Variants in WDR31 observed in about 807,000 individuals in gnomAD.
WDR31 encodes the protein WD repeat domain 31, also known as WD repeat-containing protein 31.
A neutral mutation model predicts 47.3 loss-of-function variants in WDR31; 30 were observed. The observed-to-expected ratio is 0.63, with a 90% confidence interval of 0.47 to 0.86. WDR31 has a LOEUF of 0.86. Ranked by LOEUF, WDR31 falls within the 40% of genes least tolerant of loss-of-function variation. The pLI is 0.00. For synonymous variants in WDR31, 137 were observed against 159.4 expected (o/e 0.86, Z 1.06); for missense variants, 406 against 442.9 (o/e 0.92, Z 0.75).
intron 5 of WDR31, among the ~76,000 whole-genome samples, chr9:113,325,337 T>C (rs1391143767): frequency 1.3e-5 from 2 of 152,202 alleles, no homozygotes; most frequent in Non-Finnish European, 2.9e-5. Context: ...AGTGAATTTA[T>C]CCCAATTACA....
chr9:113,317,840 T>A (rs900218474), intron 10 of WDR31, among the ~76,000 whole-genome samples: 3 of 152,240 alleles, frequency 2.0e-5, no homozygotes, highest in Non-Finnish European at 4.4e-5. Flanking sequence ...CACCACCGAT[T>A]CATAGCACTT....
chr9:113,328,809 TTAATATC>T, intron 5 of WDR31, 65 bp downstream of exon 5: 1 of 1,308,952 alleles, frequency 7.6e-7, no homozygotes, highest in South Asian at 1.2e-5. Context: ...TCAATCACTC[TTAATATC>T]TAGAACTATT....
At chr9:113,326,376 CT>C (rs948708797) in intron 5 of WDR31, among the ~76,000 whole-genome samples, 18 of 151,450 alleles carry the variant, frequency 1.2e-4, no homozygotes, top group African/African-American at 4.4e-4. Flanking sequence ...TCCTTTCTTT[CT>C]TTCTCTTTCT....
Position 113,318,608 on chromosome 9 carries a change from T to G in WDR31, c.810A>C (p.Arg270Ser), listed in dbSNP as rs775908885. 2 of 1,614,026 alleles carry G rather than the reference T, an allele frequency of 1.2e-6. No individual in the cohort carries two copies. Among genetic ancestry groups the G allele is most frequent in the African/African-American group, 2.7e-5 (2 of 74,924 alleles). Residue 270 changes from arginine (R) to serine (S), a missense_variant, in exon 10 of 11, where the codon AGA becomes AGC. By Grantham distance (110) the Arg-to-Ser change is moderately radical. Coordinates refer to ENST00000374193, the MANE Select transcript of WDR31 (RefSeq NM_001012361.4). ...GGAAATGCCCCTTATACTCACATATTCTGTTTCGAGTCTGTCTTAGGTCCC... is the reference window on the plus strand; with the variant it reads ...GGAAATGCCCCTTATACTCACATATGCTGTTTCGAGTCTGTCTTAGGTCCC... Reference protein sequence around the residue: ...TLWDLRQTRNRICEYKGHFQT... With the variant: ...TLWDLRQTRNSICEYKGHFQT...
chr9:113,329,709 C>T (rs1025595784), intron 4 of WDR31, among the ~76,000 whole-genome samples: 10 of 151,896 alleles, frequency 6.6e-5, no homozygotes. Context: ...CACAGTGGCG[C>T]ACGCCTGTAA....
At chr9:113,317,317 A>T (rs1456595364) in intron 10 of WDR31, among the ~76,000 whole-genome samples, 1 of 152,142 alleles carries the variant, frequency 6.6e-6, no homozygotes, top group Non-Finnish European at 1.5e-5. Context: ...AGAGCCCGAA[A>T]GGCAGTCTTT....
Position 113,316,704 on chromosome 9 carries a change from A to C in WDR31, c.*45T>G, listed in dbSNP as rs769573208. On this transcript the variant is annotated 3_prime_UTR_variant, in exon 11 of 11. Coordinates refer to ENST00000374193, the MANE Select transcript of WDR31 (RefSeq NM_001012361.4). Reference sequence around the variant, plus strand: ...CTGGGAAAGACACAAAGCCATGCTGAGGAGGAGCCATGGTTTGATATTGTC... The same window carrying C: ...CTGGGAAAGACACAAAGCCATGCTGCGGAGGAGCCATGGTTTGATATTGTC... 2 of 1,585,612 alleles carry C rather than the reference A, an allele frequency of 1.3e-6. No individual in the cohort carries two copies. The highest frequency in any genetic ancestry group is 1.7e-6 in the Non-Finnish European group (2 of 1,164,536).
chr9:113,322,892 A>G lies in WDR31; in HGVS notation c.489T>C (p.Thr163=). The change falls in exon 7 of 11, where the codon ACT becomes ACC. Residue 163 remains threonine (T), a synonymous_variant. Coordinates refer to ENST00000374193, the MANE Select transcript of WDR31 (RefSeq NM_001012361.4). ...AVSPDSSQLC[T]GSRDNTLLLW... Reference sequence around the variant, plus strand: ...GAAGCAGGGTGTTGTCCCGAGAGCCAGTGCACAGCTGTGATGAGTCTTTGG... The same window carrying G: ...GAAGCAGGGTGTTGTCCCGAGAGCCGGTGCACAGCTGTGATGAGTCTTTGG... 4 of 1,614,178 alleles carry G rather than the reference A, an allele frequency of 2.5e-6. No individual in the cohort carries two copies. Among genetic ancestry groups the G allele is most frequent in the Non-Finnish European group, 3.4e-6 (4 of 1,180,024 alleles).
rs1176646400 is a variant in WDR31 at position 113,332,030 on chromosome 9, G to A, written c.-8C>T. ...GCACCTGAGTAGCAGCATCCCTTGT[G>A]GCTGCTGGAAGTTGTGTTCCCTGTT... On this transcript the variant is annotated 5_prime_UTR_variant, in exon 3 of 11. Coordinates refer to ENST00000374193, the MANE Select transcript of WDR31 (RefSeq NM_001012361.4). 6 of 1,612,138 alleles carry A rather than the reference G, an allele frequency of 3.7e-6. No individual in the cohort carries two copies. The highest frequency in any genetic ancestry group is 5.1e-6 in the Non-Finnish European group (6 of 1,178,368).
chr9:113,324,364 T>C (rs1156528737), intron 5 of WDR31, among the ~76,000 whole-genome samples: 1 of 151,830 alleles, frequency 6.6e-6, no homozygotes, highest in African/African-American at 2.4e-5. Context: ...TCAGCCATGT[T>C]GTAACATGTA....
chr9:113,330,713 G>A (rs150177509), intron 4 of WDR31, among the ~76,000 whole-genome samples: 5 of 152,106 alleles, frequency 3.3e-5, no homozygotes, highest in African/African-American at 9.7e-5. Flanking sequence ...TCTCACCTAC[G>A]TTCTTTGATT....
At chr9:113,320,554 C>T (rs1833305149) in intron 8 of WDR31, 56 bp from the exon 9 acceptor site, 14 of 1,574,140 alleles carry the variant, frequency 8.9e-6, no homozygotes, top group East Asian at 2.3e-5. Flanking sequence ...GAAATACACC[C>T]GTATTGTCCC....
intron 3 of WDR31, among the ~76,000 whole-genome samples, chr9:113,331,510 A>G (rs10114327): frequency 0.55 from 83,327 of 152,040 alleles, 23,310 homozygotes; most frequent in South Asian, 0.64. Flanking sequence ...GTGCAGTGGC[A>G]CACATGGCTC....
At chr9:113,322,153 A>G (rs554190416) in intron 7 of WDR31, among the ~76,000 whole-genome samples, 15 of 151,530 alleles carry the variant, frequency 9.9e-5, no homozygotes, top group African/African-American at 3.1e-4. Context: ...GTCAGACACA[A>G]TGTCAGGTAT....
At chr9:113,329,070 A>T in intron 4 of WDR31, 115 bp from the exon 5 acceptor site, 1 of 941,722 alleles carries the variant, frequency 1.1e-6, no homozygotes, top group Non-Finnish European at 1.7e-6. Flanking sequence ...TCTGCTCAGG[A>T]ACTTGCTCAA....
intron 1 of WDR31, among the ~76,000 whole-genome samples, chr9:113,339,330 A>G (rs1364460419): frequency 1.3e-5 from 2 of 152,206 alleles, no homozygotes; most frequent in Non-Finnish European, 2.9e-5. Flanking sequence ...ACAGGGGCAG[A>G]GCCGGGTGGA....
intron 1 of WDR31, among the ~76,000 whole-genome samples, chr9:113,336,818 T>A (rs935724850): frequency 2.0e-5 from 3 of 152,214 alleles, no homozygotes; most frequent in African/African-American, 7.2e-5. Flanking sequence ...CATTTATTTA[T>A]TTCAAGATCT....
intron 5 of WDR31, among the ~76,000 whole-genome samples, chr9:113,324,389 CTTTTTTTTT>C (rs536508042): frequency 7.7e-6 from 1 of 129,130 alleles, no homozygotes. Context: ...AATTTCATTC[CTTTTTTTTT>C]TTTTTTTTTG....
intron 5 of WDR31, among the ~76,000 whole-genome samples, chr9:113,326,548 C>A (rs1833474686): frequency 6.6e-6 from 1 of 152,110 alleles, no homozygotes; most frequent in African/African-American, 2.4e-5. Flanking sequence ...CTCACTGCAG[C>A]CTCCATCTCC....
Sources: gnomAD v4.1 joint callset for allele counts (sites outside exome capture counted in the v4.1 genomes callset) on GRCh38, gnomAD v4.1.1 for gene constraint, MANE v1.5 for transcripts, NCBI Gene and HGNC (gene_info 2026-07-23, HGNC 2026-07-21) for gene names.